The following ZFYVE28 variants were observed in gnomAD, a reference collection of about 807,000 sequenced individuals.
ZFYVE28 encodes the protein zinc finger FYVE-type containing 28.
A neutral mutation model predicts 82.1 loss-of-function variants in ZFYVE28; 40 were observed. That is an observed-to-expected ratio of 0.49 (90% confidence interval 0.38 to 0.63). ZFYVE28 has a LOEUF of 0.63. ZFYVE28 is among the 30% of genes least tolerant of loss of function. The pLI is 0.00. For synonymous variants in ZFYVE28, 612 were observed against 546.1 expected, an observed-to-expected ratio of 1.12 and a Z score of -1.68; for missense variants, 1,321 against 1,242.1, an observed-to-expected ratio of 1.06 and a Z score of -0.96.
intron 8 of ZFYVE28, among the ~76,000 whole-genome samples, chr4:2,303,457 C>T (rs1279521850): frequency 6.6e-6 from 1 of 152,228 alleles, no homozygotes; most frequent in Non-Finnish European, 1.5e-5. Context: ...TGAACCTCGT[C>T]CCCTCCCTGT....
intron 8 of ZFYVE28, chr4:2,287,250 G>C (rs907299326): frequency 1.3e-5 from 2 of 152,280 alleles, no homozygotes; most frequent in African/African-American, 4.8e-5. Context: ...GGTGGAATCT[G>C]TCATCTGATC....
chr4:2,284,628 C>A (rs1303547477), intron 8 of ZFYVE28, among the ~76,000 whole-genome samples: 1 of 152,190 alleles, frequency 6.6e-6, no homozygotes, highest in East Asian at 1.9e-4. Context: ...CCTCTGGTTC[C>A]CCAGAGGAGT....
chr4:2,270,851 G>C lies in ZFYVE28; in HGVS notation c.2538C>G (p.Phe846Leu). The stretch of plus-strand genomic sequence containing the variant: ...CTGAGTGCGAGGAGCAGCGCGAGCA[G>C]AAGATCTGGAATGGGGTTGGGGCAG... ...KHHCRSCGKI[F>L]CSRCSSHSAP... The change falls in exon 13 of 13, where the codon TTC (phenylalanine) becomes TTG (leucine). Residue 846 changes from phenylalanine (F) to leucine (L), a missense_variant. By Grantham distance (22) the Phe-to-Leu change is conservative. Coordinates refer to ENST00000290974, the MANE Select transcript of ZFYVE28 (RefSeq NM_020972.3). 6.2e-7 allele frequency: 1 copy of C among 1,612,762 alleles called. No individual in the cohort carries two copies. Among genetic ancestry groups the C allele is most frequent in the Non-Finnish European group, 8.5e-7 (1 of 1,179,918 alleles).
chr4:2,392,061 G>A (rs1185268055), intron 1 of ZFYVE28, among the ~76,000 whole-genome samples: 8 of 151,746 alleles, frequency 5.3e-5, no homozygotes, highest in Non-Finnish European at 1.0e-4. Context: ...GGCTGAGGCA[G>A]GAGGATCACT....
At chr4:2,359,934 C>T (rs1161020654) in intron 1 of ZFYVE28, among the ~76,000 whole-genome samples, 1 of 152,198 alleles carries the variant, frequency 6.6e-6, no homozygotes. Context: ...CCTGAAAGAC[C>T]CTGGGGACCC....
intron 2 of ZFYVE28, among the ~76,000 whole-genome samples, chr4:2,348,134 C>T (rs569760965): frequency 1.6e-4 from 25 of 152,128 alleles, no homozygotes; most frequent in East Asian, 1.2e-3. Context: ...GGTGACATCG[C>T]GGTGGATCCT....
At chr4:2,326,224 G>T (rs908698075) in intron 6 of ZFYVE28, among the ~76,000 whole-genome samples, 14 of 152,124 alleles carry the variant, frequency 9.2e-5, no homozygotes, top group African/African-American at 3.1e-4. Flanking sequence ...ATTTTGAGTT[G>T]ATTTTTTATA....
At position 2,418,504 on chromosome 4, in the gene ZFYVE28, G is replaced by A. The variant is rs1733381637; in HGVS notation, c.-181C>T. On this transcript the variant is annotated 5_prime_UTR_variant, in exon 1 of 13. Coordinates refer to ENST00000290974, the MANE Select transcript of ZFYVE28 (RefSeq NM_020972.3). This position sits in a 1 kb window ranked among gnomAD's most constrained non-coding sequence, Gnocchi z 4.6. ...CGGCGGGCAGGTGCGCGGGGCAGGTGCGCGGCCCTGAGTATGCTCTGCAAG... is the reference window on the plus strand; with the variant it reads ...CGGCGGGCAGGTGCGCGGGGCAGGTACGCGGCCCTGAGTATGCTCTGCAAG... 1 of 246,170 alleles carries A rather than the reference G, an allele frequency of 4.1e-6. No individual in the cohort carries two copies. 15.2% of individuals were successfully genotyped at this position (246,170 alleles called of 1,614,324 possible).
rs562711541 is a variant in ZFYVE28, at chr4:2,340,532, C to T, written c.319-877G>A. On this transcript the variant is annotated intron_variant, in intron 3 of 12. Transcript: ENST00000290974. ...CCATTTCCCAGGTGACAGAATGAGA[C>T]GGCGCTGATCGCCCAGGCCCAAGCT... is the stretch of plus-strand genomic sequence containing the variant. Among the ~76,000 whole-genome samples the T allele has an allele frequency of 7.9e-4, 121 of 152,340 alleles. 1 individual carries two copies. In the South Asian group the frequency reaches 0.019, roughly 24 times the overall value.
At chr4:2,344,661 C>T (rs981450997) in intron 2 of ZFYVE28, among the ~76,000 whole-genome samples, 4 of 152,110 alleles carry the variant, frequency 2.6e-5, no homozygotes, top group South Asian at 2.1e-4. Flanking sequence ...CTTTGTGAGG[C>T]CAAGGTGGGT....
intron 1 of ZFYVE28, among the ~76,000 whole-genome samples, chr4:2,400,917 T>C (rs1731104628): frequency 6.6e-6 from 1 of 152,100 alleles, no homozygotes. Context: ...TATCCTCCAA[T>C]CCAATCAGGT....
chr4:2,330,765 G>A (rs1720552887), intron 6 of ZFYVE28: 1 of 1,512,572 alleles, frequency 6.6e-7, no homozygotes, highest in East Asian at 2.5e-5. Context: ...GGGACAGTGT[G>A]GCAGTAGGGA....
intron 1 of ZFYVE28, among the ~76,000 whole-genome samples, chr4:2,356,723 C>T (rs181485093): frequency 2.0e-5 from 3 of 152,290 alleles, no homozygotes; most frequent in East Asian, 1.9e-4. Flanking sequence ...TGCTCTACTG[C>T]GTGGAAGGAG....
intron 8 of ZFYVE28, among the ~76,000 whole-genome samples, chr4:2,291,438 C>T (rs1713682311): frequency 6.6e-6 from 1 of 152,176 alleles, no homozygotes; most frequent in African/African-American, 2.4e-5. Context: ...TTCTAGGCTC[C>T]CCGAGGAGGG....
At chr4:2,392,349 C>T (rs940631013) in intron 1 of ZFYVE28, among the ~76,000 whole-genome samples, 2 of 152,240 alleles carry the variant, frequency 1.3e-5, no homozygotes, top group African/African-American at 4.8e-5. Flanking sequence ...AGTGATCACT[C>T]TCCAGCCCAT....
In ZFYVE28 at chr4:2,300,041, G is replaced by A. The variant is rs546627358; in HGVS notation, c.2051+4248C>T. Among the ~76,000 whole-genome samples the A allele has an allele frequency of 1.3e-5, 2 of 152,218 alleles. No homozygotes were observed. The highest frequency in any genetic ancestry group is 1.9e-4 in the East Asian group (1 of 5,172). ...TTGAACTCCTGGCCTCAAGCAATAC[G>A]CCTGCCTCAGCCCCCAAAGTGCTGG... On this transcript the variant is annotated intron_variant, in intron 8 of 12. Coordinates refer to ENST00000290974, the MANE Select transcript of ZFYVE28 (RefSeq NM_020972.3). The surrounding 1 kb of genome is among the most constrained non-coding windows in gnomAD (Gnocchi z 4.6).
chr4:2,337,147 C>A (rs1435971262), intron 5 of ZFYVE28, among the ~76,000 whole-genome samples: 1 of 152,102 alleles, frequency 6.6e-6, no homozygotes, highest in Admixed American at 6.5e-5. Flanking sequence ...CCTGCAGGAT[C>A]TGACCTTCTG....
chr4:2,379,598 C>T (rs1275550448), intron 1 of ZFYVE28, among the ~76,000 whole-genome samples: 2 of 152,184 alleles, frequency 1.3e-5, no homozygotes, highest in Admixed American at 1.3e-4. Flanking sequence ...TCCTCCTGTG[C>T]AGAGATGGCA....
Position 2,417,051 on chromosome 4 carries a change from C to T in ZFYVE28, c.39+1234G>A, listed in dbSNP as rs1733130409. ...AGGAAACCTCTGCCGTGACAGCTCA[C>T]CCACGGTGGAGGCGGAGGCCTGGGA... is the stretch of plus-strand genomic sequence containing the variant. On this transcript the variant is annotated intron_variant, in intron 1 of 12. Transcript: ENST00000290974. The surrounding 1 kb of genome is among the most constrained non-coding windows in gnomAD (Gnocchi z 4.8). Among the ~76,000 whole-genome samples, 1 of 152,232 alleles carries T rather than the reference C, an allele frequency of 6.6e-6. No individual in the cohort carries two copies. Among genetic ancestry groups the T allele is most frequent in the African/African-American group, 2.4e-5 (1 of 41,458 alleles).
Sources: allele counts gnomAD v4.1 joint callset (sites outside exome capture counted in the v4.1 genomes callset), GRCh38; gene constraint gnomAD v4.1.1; non-coding constraint Gnocchi (gnomAD v3.1); transcripts MANE v1.5; gene names NCBI Gene and HGNC (gene_info 2026-07-23, HGNC 2026-07-21).